SRRM3: variants seen among roughly 807,000 people sequenced by gnomAD.
SRRM3 encodes serine/arginine repetitive matrix protein 3.
In SRRM3, 27 loss-of-function variants were observed where a neutral mutation model predicts 66.2. That is an observed-to-expected ratio of 0.41 (90% CI 0.30 to 0.56). The LOEUF is 0.56. Among genes scored for constraint, SRRM3 ranks in the 20% least tolerant of loss-of-function variants. SRRM3 has a pLI of 0.32. For missense variants in SRRM3, 918 were observed against 991.9 expected (o/e 0.93, Z 1.00); for synonymous variants, 391 against 414.9 (o/e 0.94, Z 0.70).
At position 76,236,005 on chromosome 7, in the gene SRRM3, C is replaced by CAAAAAAAAAAAAAAA. The variant is rs1161706465; in HGVS notation, c.233+717_233+731dup. 4.7e-3 allele frequency among the ~76,000 whole-genome samples: 96 copies of CAAAAAAAAAAAAAAA among 20,276 alleles called. 6 individuals are homozygous for CAAAAAAAAAAAAAAA. Among genetic ancestry groups the CAAAAAAAAAAAAAAA allele is most frequent in the East Asian group, 6.7e-3 (3 of 448 alleles). 13.3% of individuals were successfully genotyped at this position (20,276 alleles called of 152,430 possible). On this transcript the variant is annotated intron_variant, in intron 2 of 14. Coordinates refer to ENST00000611745, the MANE Select transcript of SRRM3 (RefSeq NM_001110199.3). ...TGGGCAACAGATCGAGATTCTGTCT[C>CAAAAAAAAAAAAAAA]AAAAAAAAAAAAAAAAAAAAAAAAA...
At chr7:76,282,382 G>T (rs1320102564) in intron 12 of SRRM3, among the ~76,000 whole-genome samples, 1 of 130,970 alleles carries the variant, frequency 7.6e-6, no homozygotes, top group African/African-American at 2.9e-5. Flanking sequence ...CTCCCATGAG[G>T]CTCCCCGCTT....
chr7:76,225,540 T>C (rs934167147), intron 1 of SRRM3, among the ~76,000 whole-genome samples: 2 of 123,450 alleles, frequency 1.6e-5, no homozygotes, highest in African/African-American at 6.2e-5. Context: ...CCCCCTGAAC[T>C]GGTGATGGGG....
chr7:76,275,031 G>A (rs934109823), intron 11 of SRRM3, among the ~76,000 whole-genome samples: 13 of 151,294 alleles, frequency 8.6e-5, no homozygotes, highest in Middle Eastern at 3.4e-3. Context: ...GCTTGAACCC[G>A]GGAGGCAGAG....
chr7:76,237,489 C>T (rs1233181152), intron 2 of SRRM3, among the ~76,000 whole-genome samples: 3 of 152,182 alleles, frequency 2.0e-5, no homozygotes, highest in East Asian at 3.8e-4. Context: ...GCAGGAGAAT[C>T]GCTTGAACCC....
At chr7:76,210,460 G>A (rs1309853778) in intron 1 of SRRM3, among the ~76,000 whole-genome samples, 3 of 152,184 alleles carry the variant, frequency 2.0e-5, no homozygotes, top group Non-Finnish European at 4.4e-5. Flanking sequence ...TCAGACATCA[G>A]AAAGCAGAGA....
chr7:76,245,087 C>T (rs1280320417), intron 2 of SRRM3, among the ~76,000 whole-genome samples: 3 of 152,226 alleles, frequency 2.0e-5, no homozygotes, highest in Non-Finnish European at 2.9e-5. Flanking sequence ...AGCATTGAAC[C>T]TGCGATGGGG....
chr7:76,208,366 C>T (rs782322147), intron 1 of SRRM3, among the ~76,000 whole-genome samples: 6 of 151,888 alleles, frequency 4.0e-5, no homozygotes, highest in Non-Finnish European at 1.5e-5. Flanking sequence ...GACTCAGGTC[C>T]TGGGTTGGAA....
In SRRM3 at chr7:76,282,759, G is replaced by A; in HGVS notation, c.1482G>A (p.Pro494=). The A allele has an allele frequency of 1.4e-6, 2 of 1,463,746 alleles. No individual in the cohort carries two copies. Among genetic ancestry groups the A allele is most frequent in the African/African-American group, 1.5e-5 (1 of 68,038 alleles). 90.7% of individuals were successfully genotyped at this position (1,463,746 alleles called of 1,614,324 possible). A position where few individuals can be genotyped will look rare whatever the true frequency, so the allele number is the denominator to read the frequency against. ...AGAGCTCGTCGCGCAGCCCCGGCCC[G>A]CACCCCCGCTCCTGGAGCTCCAGCC... is the stretch of plus-strand genomic sequence containing the variant. ...EGKSSSRSPG[P]HPRSWSSSRS... Residue 494 remains proline, a synonymous_variant, in exon 13 of 15, where the codon CCG becomes CCA. Transcript: ENST00000611745.
intron 1 of SRRM3, among the ~76,000 whole-genome samples, chr7:76,226,329 C>A (rs1459631120): frequency 6.6e-6 from 1 of 152,220 alleles, no homozygotes; most frequent in African/African-American, 2.4e-5. Context: ...GAAATCAGGC[C>A]TCTAGGCTTT....
At chr7:76,203,385 C>T (rs187618847) in intron 1 of SRRM3, among the ~76,000 whole-genome samples, 84 of 152,264 alleles carry the variant, frequency 5.5e-4, no homozygotes, top group African/African-American at 2.0e-3. Flanking sequence ...CTTTCTGAGT[C>T]TGTTTTCAAT....
chr7:76,213,677 A>G (rs985325086), intron 1 of SRRM3, among the ~76,000 whole-genome samples: 7 of 152,084 alleles, frequency 4.6e-5, no homozygotes, highest in Non-Finnish European at 8.8e-5. Flanking sequence ...GTTTCTCTGT[A>G]GCTTGGGGAC....
rs1390672405 is a variant in SRRM3 at position 76,285,533 on chromosome 7, A to G, written c.1734-82A>G. 8.5e-7 allele frequency: 1 copy of G among 1,175,256 alleles called. No homozygotes were observed. Among genetic ancestry groups the G allele is most frequent in the African/African-American group, 1.5e-5 (1 of 65,232 alleles). The allele number at this position is 1,175,256 out of a possible 1,614,324, so 72.8% of individuals were successfully genotyped here. ...TCTCTAAGGCCAGGGCTCAGGGGAA[A>G]CTGAGGCAGGAAGCCCTGGCCGCTG... On this transcript the variant is annotated intron_variant, in intron 14 of 14. Transcript: ENST00000611745. The surrounding 1 kb of genome is among the most constrained non-coding windows in gnomAD (Gnocchi z 4.1).
intron 1 of SRRM3, among the ~76,000 whole-genome samples, chr7:76,227,034 G>A (rs1800887413): frequency 6.6e-6 from 1 of 151,942 alleles, no homozygotes; most frequent in Admixed American, 6.6e-5. Flanking sequence ...CCAATCAGTG[G>A]TAGGGTAAAG....
At chr7:76,221,885 C>T (rs1227344675) in intron 1 of SRRM3, among the ~76,000 whole-genome samples, 12 of 152,240 alleles carry the variant, frequency 7.9e-5, no homozygotes, top group Non-Finnish European at 1.6e-4. Context: ...ACAGCTAACA[C>T]TTAATGCATA....
intron 1 of SRRM3, among the ~76,000 whole-genome samples, chr7:76,234,529 G>A (rs1433836244): frequency 1.3e-5 from 2 of 152,110 alleles, no homozygotes; most frequent in African/African-American, 4.8e-5. Flanking sequence ...TCCCCTCTCT[G>A]TAGGGCTGCC....
chr7:76,262,531 A>AAC (rs1436018624), intron 8 of SRRM3, among the ~76,000 whole-genome samples: 13 of 151,444 alleles, frequency 8.6e-5, no homozygotes, highest in South Asian at 2.1e-4. Flanking sequence ...AAAAAAAAAA[A>AAC]AAAACAAAGT....
intron 8 of SRRM3, 133 bp from the exon 9 acceptor site, chr7:76,264,632 C>T (rs1303166835): frequency 2.3e-6 from 2 of 868,058 alleles, no homozygotes; most frequent in African/African-American, 3.5e-5. Context: ...TGGAAAAGTC[C>T]CCGCCAGCCA....
intron 1 of SRRM3, among the ~76,000 whole-genome samples, chr7:76,214,362 A>C (rs1800506227): frequency 6.6e-6 from 1 of 152,006 alleles, no homozygotes; most frequent in Non-Finnish European, 1.5e-5. Context: ...CCTCCCACCC[A>C]CCATCCCTCA....
intron 3 of SRRM3, 136 bp from the exon 4 acceptor site, chr7:76,259,770 G>C: frequency 7.5e-7 from 1 of 1,328,496 alleles, no homozygotes; most frequent in Non-Finnish European, 1.0e-6. Flanking sequence ...GCCAGGGGCC[G>C]CAGTTACCCC....
Sources: allele counts gnomAD v4.1 joint callset (sites outside exome capture counted in the v4.1 genomes callset), GRCh38; gene constraint gnomAD v4.1.1; non-coding constraint Gnocchi (gnomAD v3.1); transcripts MANE v1.5; gene names NCBI Gene and HGNC (gene_info 2026-07-23, HGNC 2026-07-21).